The following RPS2 variants were observed in gnomAD, a reference collection of about 807,000 sequenced individuals.
RPS2 encodes the protein ribosomal protein S2.
In RPS2, 8 loss-of-function variants were observed where a neutral mutation model predicts 25.3. The observed-to-expected ratio is 0.32, with a 90% CI of 0.19 to 0.57. The LOEUF is 0.57. Among genes scored for constraint, RPS2 ranks in the 20% least tolerant of loss-of-function variants. The pLI is 0.90. For missense variants in RPS2, 229 were observed against 408.1 expected (o/e 0.56, Z 3.78); for synonymous variants, 181 against 161.3 (o/e 1.12, Z -0.92).
chr16:1,962,153 G>C lies in RPS2; in HGVS notation c.827C>G (p.Thr276Ser). ...CCGCTGCACGGAGACTCTGGTGTGG[G>C]TCTTGACGAGGTGGTCAGTGAACTC... ...YQEFTDHLVK[T>S]HTRVSVQRTQ... The change falls in exon 7 of 7, where the codon ACC becomes AGC. Residue 276 changes from threonine (T) to serine (S), a missense_variant. By Grantham distance (58) the Thr-to-Ser change is moderately conservative. Around this residue, in one of 7 missense-constraint regions of RPS2, gnomAD observed 32 missense variants for 29.4 expected, o/e 1.09. Transcript: ENST00000343262. 2 of 1,594,798 alleles carry C rather than the reference G, an allele frequency of 1.3e-6. No individual in the cohort carries two copies. Among genetic ancestry groups the C allele is most frequent in the Non-Finnish European group, 1.7e-6 (2 of 1,176,744 alleles).
At position 1,964,812 on chromosome 16, in the gene RPS2, T is replaced by C. The variant is rs1444280982; in HGVS notation, c.-9A>G. On this transcript the variant is annotated 5_prime_UTR_variant, in exon 1 of 7. Coordinates refer to ENST00000343262, the MANE Select transcript of RPS2 (RefSeq NM_002952.4). ...CAGCGACCAACAGGACTCACGTGTT[T>C]TGTCGGAAAAGAAGAACGAGACCTA... The C allele has an allele frequency of 5.6e-6, 3 of 537,092 alleles. No individual in the cohort carries two copies. The highest frequency in any genetic ancestry group is 3.2e-6 in the Non-Finnish European group (1 of 309,176). The allele number at this position is 537,092 out of a possible 1,614,324, so 33.3% of individuals were successfully genotyped here. A position where few individuals can be genotyped will look rare whatever the true frequency, so the allele number is the denominator to read the frequency against.
chr16:1,963,057 C>T (rs753176895), intron 4 of RPS2, 92 bp downstream of exon 4: 10 of 1,371,688 alleles, frequency 7.3e-6, no homozygotes, highest in African/African-American at 4.3e-5. Flanking sequence ...CTCCCCGTTA[C>T]GAAAGTCACA....
chr16:1,963,097 C>A, intron 4 of RPS2, 52 bp downstream of exon 4: 1 of 1,458,958 alleles, frequency 6.9e-7, no homozygotes, highest in Non-Finnish European at 9.6e-7. Flanking sequence ...CTATGCAGAG[C>A]CGAGAGAGTC....
intron 3 of RPS2, 123 bp downstream of exon 3, chr16:1,964,153 T>A (rs1391635631): frequency 1.4e-6 from 1 of 714,398 alleles, no homozygotes; most frequent in Non-Finnish European, 2.4e-6. Flanking sequence ...CAACACAACC[T>A]CAACCTCTCA....
In RPS2 at chr16:1,962,073, A is replaced by G. The variant is rs371962248; in HGVS notation, c.*25T>C. The G allele has an allele frequency of 5.9e-6, 9 of 1,526,644 alleles. No individual in the cohort carries two copies. Among genetic ancestry groups the G allele is most frequent in the Non-Finnish European group, 7.9e-6 (9 of 1,138,658 alleles). 94.6% of individuals were successfully genotyped at this position (1,526,644 alleles called of 1,614,324 possible). A position where few individuals can be genotyped will look rare whatever the true frequency, so the allele number is the denominator to read the frequency against. On this transcript the variant is annotated 3_prime_UTR_variant, in exon 7 of 7. Coordinates refer to ENST00000343262, the MANE Select transcript of RPS2 (RefSeq NM_002952.4). ...AAAAAAACAGTAACACGCTTAATTC[A>G]CTTTATTTTTCTTGTATAAAAACCC... is the stretch of plus-strand genomic sequence containing the variant.
intron 3 of RPS2, among the ~76,000 whole-genome samples, chr16:1,963,478 T>C (rs577712567): frequency 1.3e-5 from 2 of 152,120 alleles, no homozygotes; most frequent in East Asian, 1.9e-4. Flanking sequence ...TAGCCGGGCA[T>C]GGTGGAGTGC....
intron 3 of RPS2, chr16:1,964,027 T>C (rs1161370577): frequency 5.6e-6 from 3 of 537,418 alleles, no homozygotes; most frequent in Non-Finnish European, 1.0e-5. Context: ...CTTTCAGTTC[T>C]TTCGAAATGA....
At chr16:1,963,567 G>C (rs768525954) in intron 3 of RPS2, 1 of 357,590 alleles carries the variant, frequency 2.8e-6, no homozygotes, top group East Asian at 7.1e-5. Context: ...AGTGAGCCGA[G>C]ATCACGCCAG....
intron 3 of RPS2, chr16:1,963,588 A>G: frequency 2.9e-6 from 1 of 347,870 alleles, no homozygotes; most frequent in Non-Finnish European, 5.6e-6. Context: ...CCTAGGCGAT[A>G]GGGCGAAACT....
chr16:1,962,974 C>T, intron 4 of RPS2, 65 bp from the exon 5 acceptor site: 1 of 1,544,182 alleles, frequency 6.5e-7, no homozygotes. Context: ...CCGCCCAGGG[C>T]CTGTTGCACC....
chr16:1,962,316 C>A (rs1413792120), intron 6 of RPS2, 46 bp from the exon 7 acceptor site: 3 of 1,566,814 alleles, frequency 1.9e-6, no homozygotes, highest in Admixed American at 3.3e-5. Context: ...GTGCTTGAGG[C>A]AAGTCCCCCA....
At chr16:1,963,592 C>T (rs1462061048) in intron 3 of RPS2, 4 of 350,638 alleles carry the variant, frequency 1.1e-5, no homozygotes, top group Non-Finnish European at 1.7e-5. Context: ...GGCGATAGGG[C>T]GAAACTGTGT....
chr16:1,963,472 C>G lies in RPS2; in HGVS notation c.268-216G>C, dbSNP rs193162970. 5.3e-5 allele frequency among the ~76,000 whole-genome samples: 8 copies of G among 152,148 alleles called. No individual in the cohort carries two copies. The South Asian group carries it at 8.3e-4, about 16-fold the overall frequency. On this transcript the variant is annotated intron_variant, in intron 3 of 6. Transcript: ENST00000343262. ...TCTATTAAAGACACAAAAAATTAGC[C>G]GGGCATGGTGGAGTGCGCCTGTAAC...
rs201931684 is a variant in RPS2, at chr16:1,964,429, C to G, written c.177+20G>C. Reference sequence around the variant, plus strand: ...CCGGCGCCGCCCAGGGGCCCGACCCCGAGCGTGGCTGATACCTACCTCCTT... The same window carrying G: ...CCGGCGCCGCCCAGGGGCCCGACCCGGAGCGTGGCTGATACCTACCTCCTT... On this transcript the variant is annotated intron_variant, in intron 2 of 6. Coordinates refer to ENST00000343262, the MANE Select transcript of RPS2 (RefSeq NM_002952.4). 1 of 1,612,404 alleles carries G rather than the reference C, an allele frequency of 6.2e-7. No individual in the cohort carries two copies. Among genetic ancestry groups the G allele is most frequent in the Non-Finnish European group, 8.5e-7 (1 of 1,179,852 alleles).
At chr16:1,963,995 G>C (rs1000994330) in intron 3 of RPS2, 15 of 469,858 alleles carry the variant, frequency 3.2e-5, no homozygotes, top group South Asian at 3.0e-4. Flanking sequence ...CTCTCGGATG[G>C]CATGAACCAA....
rs1322740881 is a variant in RPS2 at position 1,964,478 on chromosome 16, C to G, written c.148G>C (p.Ala50Pro). 4 of 1,608,876 alleles carry G rather than the reference C, an allele frequency of 2.5e-6. No homozygotes were observed. The highest frequency in any genetic ancestry group is 2.2e-5 in the South Asian group (2 of 90,824). ...RGRGRGRGRG[A>P]RGGKAEDKEW... ...TTATCCTCGGCCTTGCCTCCGCGAG[C>G]TCCGCGGCCTCGGCCCCGGCCCCGT... Residue 50 changes from alanine (A) to proline (P), a missense_variant, in exon 2 of 7, where the codon GCT becomes CCT. Physicochemically the swap from Ala to Pro is conservative, Grantham distance 27. Coordinates refer to ENST00000343262, the MANE Select transcript of RPS2 (RefSeq NM_002952.4).
chr16:1,962,060 A>G lies in RPS2; in HGVS notation c.*38T>C. The G allele has an allele frequency of 6.6e-7, 1 of 1,514,780 alleles. No homozygotes were observed. Among genetic ancestry groups the G allele is most frequent in the South Asian group, 1.2e-5 (1 of 81,754 alleles). 93.8% of individuals were successfully genotyped at this position (1,514,780 alleles called of 1,614,324 possible). On this transcript the variant is annotated 3_prime_UTR_variant, in exon 7 of 7. Transcript: ENST00000343262. Reference sequence around the variant, plus strand: ...TGCAGGACACGGGAAAAAAACAGTAACACGCTTAATTCACTTTATTTTTCT... The same window carrying G: ...TGCAGGACACGGGAAAAAAACAGTAGCACGCTTAATTCACTTTATTTTTCT...
At chr16:1,962,299 C>A in intron 6 of RPS2, 29 bp from the exon 7 acceptor site, 1 of 1,604,876 alleles carries the variant, frequency 6.2e-7, no homozygotes, top group South Asian at 1.1e-5. Context: ...CCAGGAGGGT[C>A]AGTGGTGTGC....
At position 1,963,243 on chromosome 16, in the gene RPS2, A is replaced by G; in HGVS notation, c.281T>C (p.Ile94Thr). The G allele has an allele frequency of 6.6e-7, 1 of 1,526,712 alleles. No individual in the cohort carries two copies. The highest frequency in any genetic ancestry group is 1.2e-5 in the South Asian group (1 of 84,670). The allele number at this position is 1,526,712 out of a possible 1,614,324, so 94.6% of individuals were successfully genotyped here. Residue 94 changes from isoleucine to threonine, a missense_variant, in exon 4 of 7, where the codon ATT (isoleucine) becomes ACT (threonine). By Grantham distance (89) the Ile-to-Thr change is moderately conservative (BLOSUM62 -1). Transcript: ENST00000343262. ...GAGAGAGGCCCCCAGGAAGAAATCA[A>G]TGATCTCTGATTCCTGAAACAAACA... Reference protein sequence around the residue: ...FSLPIKESEIIDFFLGASLKD... With the variant: ...FSLPIKESEITDFFLGASLKD...
Sources: gnomAD v4.1 joint callset for allele counts (sites outside exome capture counted in the v4.1 genomes callset) on GRCh38, gnomAD v4.1.1 for gene constraint, gnomAD v4.1.1 regional missense constraint, MANE v1.5 for transcripts, NCBI Gene and HGNC (gene_info 2026-07-23, HGNC 2026-07-21) for gene names.